SLC24A2: variants seen among roughly 807,000 people sequenced by gnomAD.
SLC24A2 encodes the protein solute carrier family 24 member 2.
A neutral mutation model predicts 62.0 loss-of-function variants in SLC24A2; 36 were observed. That is an observed-to-expected ratio of 0.58 (90% CI 0.44 to 0.77). The LOEUF (loss-of-function observed/expected upper bound fraction) is 0.77. Among genes scored for constraint, SLC24A2 ranks in the 30% least tolerant of loss-of-function variants. SLC24A2 has a pLI of 0.00. For missense variants in SLC24A2, 846 were observed against 817.9 expected (o/e 1.03, Z -0.42); for synonymous variants, 358 against 294.0 (o/e 1.22, Z -2.23).
At chr9:20,106,145 C>G in the SLC24A2 span, among the ~76,000 whole-genome samples, 1 of 152,080 alleles carries the variant, frequency 6.6e-6, no homozygotes, top group Non-Finnish European at 1.5e-5. Flanking sequence ...AAGACTAAAC[C>G]AGGAAGAAGT....
intron 2 of SLC24A2, among the ~76,000 whole-genome samples, chr9:19,769,575 A>G (rs1822622941): frequency 6.6e-6 from 1 of 152,244 alleles, no homozygotes. Flanking sequence ...CCCTACACTT[A>G]CTGACCCCAG....
the SLC24A2 span, among the ~76,000 whole-genome samples, chr9:20,050,426 A>G: frequency 6.6e-6 from 1 of 152,092 alleles, no homozygotes; most frequent in African/African-American, 2.4e-5. Context: ...AAATAAATAA[A>G]TAAAGCCATC....
intron 8 of SLC24A2, among the ~76,000 whole-genome samples, chr9:19,548,694 C>T (rs1834698406): frequency 1.3e-5 from 2 of 152,234 alleles, no homozygotes; most frequent in Middle Eastern, 6.8e-3. Context: ...GCTGATGCAC[C>T]TAACAAGAAA....
intron 2 of SLC24A2, among the ~76,000 whole-genome samples, chr9:19,693,563 A>G (rs189468271): frequency 2.0e-5 from 3 of 152,274 alleles, no homozygotes; most frequent in African/African-American, 7.2e-5. Context: ...TATATCTTCA[A>G]TATAAAGAGA....
In SLC24A2 at chr9:19,789,029, G is replaced by T; in HGVS notation, c.-298C>A. On this transcript the variant is annotated 5_prime_UTR_variant, in exon 1 of 11. Coordinates refer to ENST00000341998, the MANE Select transcript of SLC24A2 (RefSeq NM_020344.4). ...CTCTCGCCAGCCGGGCTGGGTTCGG[G>T]AGGAGACTGAGCCGCTGTGAGCCCG... 1.2e-6 allele frequency: 1 copy of T among 845,338 alleles called. No individual in the cohort carries two copies. The highest frequency in any genetic ancestry group is 1.8e-5 in the African/African-American group (1 of 54,534). The allele number at this position is 845,338 out of a possible 1,614,324, so 52.4% of individuals were successfully genotyped here. A position where few individuals can be genotyped will look rare whatever the true frequency, so the allele number is the denominator to read the frequency against.
intron 9 of SLC24A2, among the ~76,000 whole-genome samples, chr9:19,521,638 G>C: frequency 6.6e-6 from 1 of 152,162 alleles, no homozygotes; most frequent in Non-Finnish European, 1.5e-5. Context: ...CAGAAAATCA[G>C]AGGACCTGGG....
At chr9:19,978,106 T>C in the SLC24A2 span, among the ~76,000 whole-genome samples, 1 of 152,062 alleles carries the variant, frequency 6.6e-6, no homozygotes, top group Non-Finnish European at 1.5e-5. Context: ...GAACAAGAGA[T>C]TTTCTATACT....
chr9:20,241,081 A>G, the SLC24A2 span, among the ~76,000 whole-genome samples: 2 of 152,248 alleles, frequency 1.3e-5, no homozygotes, highest in Non-Finnish European at 2.9e-5. Flanking sequence ...TGAAGATGTG[A>G]TATGAAATAA....
chr9:19,617,865 A>C (rs1437490853), intron 4 of SLC24A2, among the ~76,000 whole-genome samples: 1 of 152,222 alleles, frequency 6.6e-6, no homozygotes, highest in African/African-American at 2.4e-5. Flanking sequence ...TGCATGGAAC[A>C]TATGTCTAGG....
chr9:20,245,634 G>T, the SLC24A2 span, among the ~76,000 whole-genome samples: 1 of 152,186 alleles, frequency 6.6e-6, no homozygotes, highest in East Asian at 1.9e-4. Context: ...TTCAGATGTT[G>T]TGTTAAAAGG....
intron 2 of SLC24A2, 97 bp downstream of exon 2, chr9:19,785,840 A>G: frequency 6.6e-7 from 1 of 1,516,568 alleles, no homozygotes; most frequent in Non-Finnish European, 9.1e-7. Flanking sequence ...CAAGAGCCCC[A>G]AACACCATCA....
At chr9:20,031,224 A>T in the SLC24A2 span, among the ~76,000 whole-genome samples, 3 of 150,156 alleles carry the variant, frequency 2.0e-5, no homozygotes, top group Non-Finnish European at 4.4e-5. Context: ...ACATACACAC[A>T]CACCCTGTGT....
chr9:19,725,128 T>C (rs1325046594), intron 2 of SLC24A2, among the ~76,000 whole-genome samples: 3 of 152,146 alleles, frequency 2.0e-5, no homozygotes. Flanking sequence ...TTGGGACATA[T>C]TTGATTGTCC....
chr9:20,217,001 G>A, the SLC24A2 span, among the ~76,000 whole-genome samples: 55 of 152,240 alleles, frequency 3.6e-4, 1 homozygote, highest in Middle Eastern at 6.8e-3. Flanking sequence ...TGAATCAAAT[G>A]TATACATTTG....
chr9:20,193,580 A>G, the SLC24A2 span, among the ~76,000 whole-genome samples: 20,492 of 152,054 alleles, frequency 0.13, 1,526 homozygotes, highest in African/African-American at 0.21. Flanking sequence ...CTTTTAATAT[A>G]TAAGCAAATG....
the SLC24A2 span, among the ~76,000 whole-genome samples, chr9:19,986,472 C>G: frequency 4.6e-5 from 7 of 152,046 alleles, no homozygotes; most frequent in Admixed American, 2.0e-4. Flanking sequence ...AAGCACTTAG[C>G]AAATACATGT....
chr9:19,785,141 T>C (rs1823124910), intron 2 of SLC24A2, among the ~76,000 whole-genome samples: 1 of 152,206 alleles, frequency 6.6e-6, no homozygotes, highest in Non-Finnish European at 1.5e-5. Context: ...TTGTCCACTA[T>C]TTAAAAAAAT....
At chr9:19,826,519 A>T in the SLC24A2 span, among the ~76,000 whole-genome samples, 1 of 152,184 alleles carries the variant, frequency 6.6e-6, no homozygotes, top group African/African-American at 2.4e-5. Flanking sequence ...ACAGTTCTGG[A>T]AGCTGAAAAG....
intron 2 of SLC24A2, among the ~76,000 whole-genome samples, chr9:19,722,345 C>T (rs901061497): frequency 6.6e-6 from 1 of 152,030 alleles, no homozygotes; most frequent in Non-Finnish European, 1.5e-5. Flanking sequence ...TTGAGCTGAA[C>T]TGAGAATGCT....
Sources: gnomAD v4.1 joint callset for allele counts (sites outside exome capture counted in the v4.1 genomes callset) on GRCh38, gnomAD v4.1.1 for gene constraint, MANE v1.5 for transcripts, NCBI Gene and HGNC (gene_info 2026-07-23, HGNC 2026-07-21) for gene names.